The following DIXDC1 variants were observed in gnomAD, a reference collection of about 807,000 sequenced individuals.
DIXDC1 encodes dixin.
A neutral mutation model predicts 103.1 loss-of-function variants in DIXDC1; 64 were observed. The observed-to-expected ratio is 0.62, with a 90% confidence interval of 0.51 to 0.76. The LOEUF is 0.76. Ranked by LOEUF, DIXDC1 falls within the 30% of genes least tolerant of loss-of-function variation. DIXDC1 has a pLI of 0.00. For missense variants in DIXDC1, 759 were observed against 834.2 expected (o/e 0.91, Z 1.11); for synonymous variants, 266 against 298.5 (o/e 0.89, Z 1.12).
At chr11:111,936,930 T>TGC (rs1461943703), upstream of DIXDC1, among the ~76,000 whole-genome samples, 3 of 150,930 alleles carry the variant, frequency 2.0e-5, no homozygotes, top group East Asian at 1.9e-4. Flanking sequence ...GGTGTGTGTG[T>TGC]GCGCGCGCGC....
At chr11:111,949,115 A>G (rs1326411788) in intron 1 of DIXDC1, among the ~76,000 whole-genome samples, 1 of 152,178 alleles carries the variant, frequency 6.6e-6, no homozygotes, top group Non-Finnish European at 1.5e-5. Flanking sequence ...TGTATAAGGG[A>G]TGTAGCAAAG....
rs587724343 is a variant in DIXDC1, at chr11:111,968,497, T to C, written c.191-16T>C. ...ATTCCTCCCTATAACTTCCTATATT[T>C]TCTCTCTCCTAACAGCAGGAGAAAA... On this transcript the variant is annotated splice_polypyrimidine_tract_variant and intron_variant, in intron 2 of 19. Transcript: ENST00000440460. 1.3e-5 allele frequency: 21 copies of C among 1,610,580 alleles called. No individual in the cohort carries two copies. In the Admixed American group the frequency reaches 2.2e-4, roughly 17 times the overall value.
chr11:111,970,117 G>A (rs587689438), intron 3 of DIXDC1, among the ~76,000 whole-genome samples: 194 of 152,220 alleles, frequency 1.3e-3, no homozygotes, highest in African/African-American at 4.4e-3. Context: ...GTTCAGTGTC[G>A]TGATCTCACC....
upstream of DIXDC1, among the ~76,000 whole-genome samples, chr11:111,933,862 T>C (rs1326722419): frequency 9.2e-5 from 14 of 152,198 alleles, no homozygotes; most frequent in Admixed American, 9.2e-4. Flanking sequence ...ACACTTCTTA[T>C]TTTTATGCAG....
At position 111,977,852 on chromosome 11, in the gene DIXDC1, G is replaced by C; in HGVS notation, c.656+2869G>C. ...GGGGCCTGGGTGGGAACAGGGGCAGGGCTGGAGGATGCTGTTGGCCGGAGA... is the reference window on the plus strand; with the variant it reads ...GGGGCCTGGGTGGGAACAGGGGCAGCGCTGGAGGATGCTGTTGGCCGGAGA... On this transcript the variant is annotated intron_variant, in intron 5 of 19. Transcript: ENST00000440460. This position sits in a 1 kb window ranked among gnomAD's most constrained non-coding sequence, Gnocchi z 6.1. 6.7e-7 allele frequency: 1 copy of C among 1,501,548 alleles called. No individual in the cohort carries two copies. The highest frequency in any genetic ancestry group is 8.9e-7 in the Non-Finnish European group (1 of 1,124,778). The allele number at this position is 1,501,548 out of a possible 1,614,324, so 93.0% of individuals were successfully genotyped here. A position where few individuals can be genotyped will look rare whatever the true frequency, so the allele number is the denominator to read the frequency against.
chr11:111,978,310 A>G (rs1555172906), intron 5 of DIXDC1, among the ~76,000 whole-genome samples: 1 of 152,198 alleles, frequency 6.6e-6, no homozygotes, highest in East Asian at 1.9e-4. Flanking sequence ...TTAGCATTAA[A>G]ATATTTTTTT....
At chr11:112,009,233 T>TA (rs1378579569) in intron 17 of DIXDC1, among the ~76,000 whole-genome samples, 1 of 152,120 alleles carries the variant, frequency 6.6e-6, no homozygotes, top group Non-Finnish European at 1.5e-5. Flanking sequence ...CCTGGACACA[T>TA]ACACCCTCCC....
chr11:111,941,136 C>T (rs1966403474), intron 1 of DIXDC1, among the ~76,000 whole-genome samples: 1 of 152,194 alleles, frequency 6.6e-6, no homozygotes, highest in Non-Finnish European at 1.5e-5. Context: ...AAGAGACAGG[C>T]TGGGTGCTGT....
Position 111,978,835 on chromosome 11 carries a change from G to A in DIXDC1, c.657-1902G>A, listed in dbSNP as rs186266859. ...CTCTTGCAGGCCGCTTTCTACACTT[G>A]GATTCCCATTTCTGTAAGAAGGTAA... On this transcript the variant is annotated intron_variant, in intron 5 of 19. Coordinates refer to ENST00000440460, the MANE Select transcript of DIXDC1 (RefSeq NM_001037954.4). Among the ~76,000 whole-genome samples, 316 of 152,256 alleles carry A rather than the reference G, an allele frequency of 2.1e-3. 3 individuals carry two copies. Among genetic ancestry groups the A allele is most frequent in the South Asian group, 9.1e-3 (44 of 4,820 alleles).
chr11:112,003,921 G>A (rs1327017574), intron 17 of DIXDC1, among the ~76,000 whole-genome samples: 3 of 151,176 alleles, frequency 2.0e-5, no homozygotes, highest in African/African-American at 7.3e-5. Context: ...GCTTATGCCT[G>A]TAATCTCAAC....
upstream of DIXDC1, among the ~76,000 whole-genome samples, chr11:111,936,688 T>C (rs1397014225): frequency 6.6e-6 from 1 of 152,190 alleles, no homozygotes; most frequent in African/African-American, 2.4e-5. Flanking sequence ...CTCTTTCTTA[T>C]TTCTTTCCCT....
intron 1 of DIXDC1, among the ~76,000 whole-genome samples, chr11:111,953,895 A>G (rs1555170315): frequency 6.6e-6 from 1 of 152,186 alleles, no homozygotes; most frequent in Non-Finnish European, 1.5e-5. Flanking sequence ...TGTGGATTCA[A>G]CAAACTGCAG....
At chr11:111,949,170 C>T (rs1253234933) in intron 1 of DIXDC1, among the ~76,000 whole-genome samples, 1 of 152,084 alleles carries the variant, frequency 6.6e-6, no homozygotes, top group Non-Finnish European at 1.5e-5. Context: ...TGGTAGATGG[C>T]ACTTATCTCA....
Position 112,021,556 on chromosome 11 carries a change from T to G in DIXDC1, c.*2520T>G, listed in dbSNP as rs1555178507. ...TCCTGCTACTTGCTAAAGTTCTCTT[T>G]CTTTGAGAAAACTGAGGAACCAGAA... On this transcript the variant is annotated 3_prime_UTR_variant, in exon 20 of 20. Transcript: ENST00000440460. 6.6e-6 allele frequency: 1 copy of G among 152,172 alleles called. No homozygotes were observed. The highest frequency in any genetic ancestry group is 1.9e-4 in the East Asian group (1 of 5,202). The allele number at this position is 152,172 out of a possible 1,614,324, so 9.4% of individuals were successfully genotyped here.
chr11:111,996,458 A>G (rs748912406), intron 17 of DIXDC1: 1 of 207,814 alleles, frequency 4.8e-6, no homozygotes, highest in Middle Eastern at 1.8e-3. Flanking sequence ...AAAAACACAT[A>G]CATACGTAAA....
intron 7 of DIXDC1, among the ~76,000 whole-genome samples, chr11:111,983,160 C>G (rs1328070529): frequency 6.6e-6 from 1 of 152,190 alleles, no homozygotes; most frequent in Admixed American, 6.5e-5. Context: ...GTGCTGATGA[C>G]CCTGAAATTG....
chr11:111,988,585 G>A (rs1314373059), intron 9 of DIXDC1, among the ~76,000 whole-genome samples: 2 of 152,116 alleles, frequency 1.3e-5, no homozygotes, highest in Non-Finnish European at 2.9e-5. Flanking sequence ...CCAACCCTTT[G>A]CTAAACATTA....
At chr11:111,957,035 T>A (rs947555968) in intron 1 of DIXDC1, among the ~76,000 whole-genome samples, 1 of 151,950 alleles carries the variant, frequency 6.6e-6, no homozygotes, top group Non-Finnish European at 1.5e-5. Context: ...TAGCTGAGCA[T>A]GGTGGTGCAT....
chr11:111,989,296 C>G (rs1860610366), intron 10 of DIXDC1, among the ~76,000 whole-genome samples: 1 of 152,076 alleles, frequency 6.6e-6, no homozygotes, highest in Non-Finnish European at 1.5e-5. Context: ...CCCTGATTGT[C>G]TCTATATGTA....
Sources: gnomAD v4.1 joint callset for allele counts (sites outside exome capture counted in the v4.1 genomes callset) on GRCh38, gnomAD v4.1.1 for gene constraint, Gnocchi (gnomAD v3.1) non-coding constraint, MANE v1.5 for transcripts, NCBI Gene and HGNC (gene_info 2026-07-23, HGNC 2026-07-21) for gene names.